MTUS1: variants seen among roughly 807,000 people sequenced by gnomAD.
The protein encoded by MTUS1 is microtubule-associated tumor suppressor 1.
A neutral mutation model predicts 120.8 loss-of-function variants in MTUS1; 109 were observed. That is an observed-to-expected ratio of 0.90 (90% CI 0.77 to 1.06). The LOEUF (loss-of-function observed/expected upper bound fraction) is 1.06. Among genes scored for constraint, MTUS1 ranks in the 50% least tolerant of loss-of-function variants. The pLI, the probability that MTUS1 is intolerant of heterozygous loss-of-function variation, is 0.00. For missense variants in MTUS1, 2,210 were observed against 1,486.3 expected, an observed-to-expected ratio of 1.49 and a Z score of -8.01; for synonymous variants, 737 against 550.5, an observed-to-expected ratio of 1.34 and a Z score of -4.74.
At chr8:17,684,686 G>T in intron 6 of MTUS1, 144 bp from the exon 7 acceptor site, 1 of 662,608 alleles carries the variant, frequency 1.5e-6, no homozygotes, top group Non-Finnish European at 2.7e-6. Flanking sequence ...ATGAGAACTG[G>T]AATGAATCGG....
intron 6 of MTUS1, among the ~76,000 whole-genome samples, chr8:17,687,088 GATTA>G (rs956280996): frequency 7.9e-5 from 12 of 152,128 alleles, no homozygotes; most frequent in African/African-American, 2.9e-4. Flanking sequence ...ATAGCTTTAT[GATTA>G]AGGAGGAAAG....
rs1240093946 is a variant in MTUS1 at position 17,754,961 on chromosome 8, G to C, written c.847C>G (p.Leu283Val). 2 of 1,613,848 alleles carry C rather than the reference G, an allele frequency of 1.2e-6. No individual in the cohort carries two copies. Among genetic ancestry groups the C allele is most frequent in the Admixed American group, 1.7e-5 (1 of 59,918 alleles). ...GCTTGTGTCTCCTTTTCTCCAACTA[G>C]TCTTTGTTGTGATCCATCTGTGTAC... The part of the protein sequence containing the change: ...SEYTDGSQQR[L>V]VGEKETQALT... Residue 283 changes from leucine to valine, a missense_variant, in exon 2 of 15, where the codon CTA (leucine) becomes GTA (valine). Physicochemically the swap from Leu to Val is conservative, Grantham distance 32. Transcript: ENST00000693296.
intron 1 of MTUS1, among the ~76,000 whole-genome samples, chr8:17,779,406 C>A (rs147947982): frequency 4.6e-5 from 7 of 152,298 alleles, no homozygotes; most frequent in Non-Finnish European, 1.0e-4. Context: ...AAATGATCAA[C>A]ACATGTATGT....
At chr8:17,677,512 T>C (rs897176303) in intron 7 of MTUS1, among the ~76,000 whole-genome samples, 3 of 152,250 alleles carry the variant, frequency 2.0e-5, no homozygotes, top group Non-Finnish European at 4.4e-5. Flanking sequence ...AAATTACAGT[T>C]AGTATAACTG....
At chr8:17,721,671 G>A (rs747424878) in intron 4 of MTUS1, 2 of 1,521,850 alleles carry the variant, frequency 1.3e-6, no homozygotes. Context: ...AAAAATTTAA[G>A]CATGCTTACA....
chr8:17,653,916 T>G (rs1435199778), intron 10 of MTUS1: 1 of 160,310 alleles, frequency 6.2e-6, no homozygotes, highest in Non-Finnish European at 1.4e-5. Context: ...AAAACAATGT[T>G]CACTACAAGT....
upstream of MTUS1, chr8:17,801,262 C>T (rs1303291417): frequency 6.6e-6 from 1 of 151,974 alleles, no homozygotes; most frequent in Non-Finnish European, 1.5e-5. Context: ...CCCCGCCTCC[C>T]CGCCTCCGGG....
intron 1 of MTUS1, among the ~76,000 whole-genome samples, chr8:17,788,036 G>C (rs759990684): frequency 1.3e-5 from 2 of 152,156 alleles, no homozygotes; most frequent in Non-Finnish European, 1.5e-5. Flanking sequence ...TAGGAGAATG[G>C]CTGGAACCCA....
intron 3 of MTUS1, among the ~76,000 whole-genome samples, chr8:17,733,369 A>AAC (rs2046722646): frequency 6.6e-6 from 1 of 151,996 alleles, no homozygotes; most frequent in Admixed American, 6.6e-5. Context: ...TAAAAAAAAA[A>AAC]AAACAGCAGA....
intron 6 of MTUS1, among the ~76,000 whole-genome samples, chr8:17,703,632 A>AG (rs1819557272): frequency 1.3e-5 from 2 of 149,550 alleles, no homozygotes; most frequent in South Asian, 4.2e-4. Flanking sequence ...CTGTCTCAAA[A>AG]AAAAAAAAAA....
intron 13 of MTUS1, among the ~76,000 whole-genome samples, chr8:17,649,022 G>T (rs1806421141): frequency 6.6e-6 from 1 of 152,216 alleles, no homozygotes; most frequent in Non-Finnish European, 1.5e-5. Flanking sequence ...TCTAGACACT[G>T]CAAAGTGAAT....
intron 3 of MTUS1, among the ~76,000 whole-genome samples, chr8:17,729,550 T>C (rs1272948953): frequency 1.3e-5 from 2 of 152,202 alleles, no homozygotes; most frequent in Non-Finnish European, 2.9e-5. Flanking sequence ...TTTCTGTGAA[T>C]AAATTTATCA....
chr8:17,668,660 A>C (rs1211802885), intron 8 of MTUS1, among the ~76,000 whole-genome samples: 1 of 152,086 alleles, frequency 6.6e-6, no homozygotes, highest in Non-Finnish European at 1.5e-5. Context: ...TCATTTTTTA[A>C]TTATTCTGAC....
intron 3 of MTUS1, 57 bp from the exon 4 acceptor site, chr8:17,723,890 C>T (rs1342553121): frequency 1.4e-6 from 2 of 1,422,318 alleles, no homozygotes; most frequent in Non-Finnish European, 1.9e-6. Flanking sequence ...AAAGCTGGCA[C>T]TTTTTAAGCC....
At chr8:17,648,867 C>A (rs576540332) in intron 13 of MTUS1, among the ~76,000 whole-genome samples, 1 of 152,226 alleles carries the variant, frequency 6.6e-6, no homozygotes, top group Non-Finnish European at 1.5e-5. Context: ...CAGCAAGGCA[C>A]CGCGAGGGCG....
intron 6 of MTUS1, among the ~76,000 whole-genome samples, chr8:17,696,071 T>A (rs1817878375): frequency 6.6e-6 from 1 of 152,206 alleles, no homozygotes; most frequent in Admixed American, 6.5e-5. Flanking sequence ...TAGGGCACCC[T>A]TTGTTATTTT....
At chr8:17,687,146 T>G (rs1815986550) in intron 6 of MTUS1, among the ~76,000 whole-genome samples, 1 of 152,074 alleles carries the variant, frequency 6.6e-6, no homozygotes, top group Non-Finnish European at 1.5e-5. Context: ...CTTCAAATTT[T>G]AAAATGAGAG....
intron 6 of MTUS1, among the ~76,000 whole-genome samples, chr8:17,709,491 C>T (rs416546): frequency 0.22 from 34,013 of 151,952 alleles, 3,943 homozygotes; most frequent in South Asian, 0.28. Context: ...GCTCATTCTT[C>T]GCTCAGGACT....
chr8:17,770,083 C>A (rs1209466455), intron 1 of MTUS1, among the ~76,000 whole-genome samples: 1 of 152,072 alleles, frequency 6.6e-6, no homozygotes, highest in Non-Finnish European at 1.5e-5. Context: ...ATAAAATAAC[C>A]ACAGTCATTT....
Sources: allele counts gnomAD v4.1 joint callset (sites outside exome capture counted in the v4.1 genomes callset), GRCh38; gene constraint gnomAD v4.1.1; transcripts MANE v1.5; gene names NCBI Gene and HGNC (gene_info 2026-07-23, HGNC 2026-07-21).